The following GNB1L variants were observed in gnomAD, a reference collection of about 807,000 sequenced individuals.
GNB1L encodes guanine nucleotide-binding protein subunit beta-like protein 1.
GNB1L carries 20 observed loss-of-function variants against 29.1 expected under a neutral mutation model. The ratio of observed to expected loss-of-function variants is 0.69; its 90% CI spans 0.48 to 1.00. The LOEUF (loss-of-function observed/expected upper bound fraction) is 1.00, where lower values mean the gene tolerates loss of function less well. GNB1L is among the 50% of genes least tolerant of loss of function. The pLI, the probability that GNB1L is intolerant of heterozygous loss-of-function variation, is 0.00. For synonymous variants in GNB1L, 193 were observed against 206.5 expected (o/e 0.93, Z 0.56); for missense variants, 421 against 464.9 (o/e 0.91, Z 0.87).
chr22:19,849,280 A>G (rs1938036542), intron 2 of GNB1L: 3 of 982,578 alleles, frequency 3.1e-6, no homozygotes, highest in Non-Finnish European at 3.6e-6. Context: ...CACACATAAA[A>G]CCATCTGAAC....
At chr22:19,818,637 C>T (rs978721188) in intron 4 of GNB1L, among the ~76,000 whole-genome samples, 4 of 152,222 alleles carry the variant, frequency 2.6e-5, no homozygotes, top group African/African-American at 9.6e-5. Context: ...CCTCATTCTC[C>T]AGGGACTATA....
chr22:19,796,804 C>A (rs987447149), intron 7 of GNB1L, among the ~76,000 whole-genome samples: 3 of 152,176 alleles, frequency 2.0e-5, no homozygotes, highest in Non-Finnish European at 4.4e-5. Context: ...CACCTGACCC[C>A]AGGCAGGGCA....
intron 2 of GNB1L, among the ~76,000 whole-genome samples, chr22:19,841,357 T>C (rs139348626): frequency 6.6e-6 from 1 of 152,254 alleles, no homozygotes; most frequent in Non-Finnish European, 1.5e-5. Context: ...TAATGTATTA[T>C]GAAACTTCAA....
intron 2 of GNB1L, among the ~76,000 whole-genome samples, chr22:19,853,055 T>C (rs1230345799): frequency 1.3e-5 from 2 of 152,200 alleles, no homozygotes; most frequent in Non-Finnish European, 2.9e-5. Flanking sequence ...CAGCAGGTCC[T>C]ACCTGCTTCC....
intron 5 of GNB1L, among the ~76,000 whole-genome samples, chr22:19,808,300 G>C (rs1056754245): frequency 3.3e-5 from 5 of 152,202 alleles, no homozygotes; most frequent in Admixed American, 2.0e-4. Context: ...CAGAAACCAG[G>C]GGCCTCAGGG....
intron 4 of GNB1L, among the ~76,000 whole-genome samples, chr22:19,814,346 G>C (rs959554507): frequency 6.6e-6 from 1 of 152,118 alleles, no homozygotes; most frequent in Non-Finnish European, 1.5e-5. Flanking sequence ...CAAACTCCTC[G>C]GCTTAAACGA....
chr22:19,839,829 A>G (rs2145895722), intron 2 of GNB1L, among the ~76,000 whole-genome samples: 1 of 151,824 alleles, frequency 6.6e-6, no homozygotes, highest in Non-Finnish European at 1.5e-5. Flanking sequence ...GCAGTGAGCC[A>G]AGATCGTACC....
chr22:19,853,354 A>C (rs1392439356), intron 2 of GNB1L, among the ~76,000 whole-genome samples: 3 of 151,988 alleles, frequency 2.0e-5, no homozygotes, highest in Non-Finnish European at 2.9e-5. Context: ...CGCAGCAGTC[A>C]CCTAGGAGGC....
At chr22:19,823,846 T>A (rs138907381) in intron 2 of GNB1L, among the ~76,000 whole-genome samples, 56 of 152,116 alleles carry the variant, frequency 3.7e-4, no homozygotes, top group Non-Finnish European at 6.5e-4. Context: ...CATACCTACA[T>A]ACACATACAC....
chr22:19,820,523 G>T, intron 4 of GNB1L, 75 bp downstream of exon 4: 3 of 1,490,328 alleles, frequency 2.0e-6, no homozygotes, highest in East Asian at 2.3e-5. Flanking sequence ...CTCAGTGGGG[G>T]ACACCAGAGC....
At chr22:19,851,589 G>C (rs765347164) in intron 2 of GNB1L, 3 of 1,602,282 alleles carry the variant, frequency 1.9e-6, no homozygotes, top group African/African-American at 2.7e-5. Context: ...CCCATGTCGA[G>C]TGCCAGGCCC....
chr22:19,823,810 C>T (rs1312583808), intron 2 of GNB1L, among the ~76,000 whole-genome samples: 1 of 152,124 alleles, frequency 6.6e-6, no homozygotes, highest in African/African-American at 2.4e-5. Context: ...TGCACACACA[C>T]ACATGCACAC....
At position 19,851,102 on chromosome 22, in the gene GNB1L, G is replaced by T. The variant is rs369082771; in HGVS notation, c.-21+3341C>A. On this transcript the variant is annotated intron_variant, in intron 2 of 7. Transcript: ENST00000329517. ...CCACTCTGCTCTGACTGGGGACTAT[G>T]GGGCGCTCAAGCCACACAGGCCACT... The T allele has an allele frequency of 8.7e-6, 13 of 1,502,592 alleles. No individual in the cohort carries two copies. The East Asian group carries it at 2.9e-4, about 33-fold the overall frequency. 93.1% of individuals were successfully genotyped at this position (1,502,592 alleles called of 1,614,324 possible).
chr22:19,818,306 T>C (rs1193362323), intron 4 of GNB1L, among the ~76,000 whole-genome samples: 6 of 152,228 alleles, frequency 3.9e-5, no homozygotes, highest in African/African-American at 7.2e-5. Context: ...AAGGGCTACA[T>C]TGTGGCTGAA....
At chr22:19,792,800 C>G in intron 7 of GNB1L, 1 of 1,363,090 alleles carries the variant, frequency 7.3e-7, no homozygotes. Context: ...TGGTTGTCTT[C>G]TTGCCTGCCT....
chr22:19,812,682 G>A (rs1438086477), intron 4 of GNB1L, among the ~76,000 whole-genome samples: 9 of 152,236 alleles, frequency 5.9e-5, no homozygotes, highest in African/African-American at 2.2e-4. Flanking sequence ...GCTGTGGACT[G>A]ATGGCTGTCC....
chr22:19,792,998 T>A, intron 7 of GNB1L: 1 of 1,561,324 alleles, frequency 6.4e-7, no homozygotes, highest in South Asian at 1.1e-5. Flanking sequence ...AGATCCGCCG[T>A]CACTGGGGCG....
chr22:19,828,202 T>G (rs1169003882), intron 2 of GNB1L, among the ~76,000 whole-genome samples: 1 of 152,050 alleles, frequency 6.6e-6, no homozygotes, highest in African/African-American at 2.4e-5. Flanking sequence ...TCCAAAACGC[T>G]AAAATTAGAG....
intron 2 of GNB1L, among the ~76,000 whole-genome samples, chr22:19,831,122 A>C (rs1170913188): frequency 6.6e-6 from 1 of 152,202 alleles, no homozygotes; most frequent in Non-Finnish European, 1.5e-5. Context: ...CTGTAATCCC[A>C]GCACTTTGGG....
Sources: allele counts gnomAD v4.1 joint callset (sites outside exome capture counted in the v4.1 genomes callset), GRCh38; gene constraint gnomAD v4.1.1; transcripts MANE v1.5; gene names NCBI Gene and HGNC (gene_info 2026-07-23, HGNC 2026-07-21).